Variants in EVL observed in about 807,000 individuals in gnomAD.
EVL encodes the protein Enah/Vasp-like.
EVL carries 21 observed loss-of-function variants against 59.6 expected under a neutral mutation model. The observed-to-expected ratio is 0.35, with a 90% CI of 0.25 to 0.51. EVL has a LOEUF of 0.51. Among genes scored for constraint, EVL ranks in the 20% least tolerant of loss-of-function variants. EVL has a pLI of 0.97. For missense variants in EVL, 462 were observed against 546.6 expected, an observed-to-expected ratio of 0.85 and a Z score of 1.54; for synonymous variants, 198 against 203.5, an observed-to-expected ratio of 0.97 and a Z score of 0.23.
At chr14:100,020,463 G>C (rs189197119) in intron 1 of EVL, among the ~76,000 whole-genome samples, 2,507 of 144,476 alleles carry the variant, frequency 0.017, 73 homozygotes, top group African/African-American at 0.058. Context: ...ATGGAAGAGA[G>C]TGTGTGTGTG....
At chr14:100,065,289 T>C, upstream of EVL, 1 of 334,556 alleles carries the variant, frequency 3.0e-6, no homozygotes, top group Non-Finnish European at 5.1e-6. Flanking sequence ...TGTTAGCTTC[T>C]TGTTTCTCTA....
chr14:100,090,881 A>C (rs2062549174), intron 2 of EVL, among the ~76,000 whole-genome samples: 1 of 152,158 alleles, frequency 6.6e-6, no homozygotes, highest in Non-Finnish European at 1.5e-5. Context: ...GTTCACTCTC[A>C]CCTCTTTGAT....
rs149236741 is a variant in EVL, at chr14:100,043,772, C to T, written c.6-40915C>T. 1.1e-4 allele frequency among the ~76,000 whole-genome samples: 17 copies of T among 152,030 alleles called. No individual in the cohort carries two copies. In the East Asian group the frequency reaches 3.3e-3, roughly 29 times the overall value. On this transcript the variant is annotated intron_variant, in intron 1 of 13. Transcript: ENST00000402714. ...GGACTACAGATGCATGCCACCATGC[C>T]TGGCTAATTTTTAAATTTTTTTGTA...
At chr14:99,989,757 TACCTGACATAGC>T (rs1276432077) in intron 1 of EVL, among the ~76,000 whole-genome samples, 1 of 152,262 alleles carries the variant, frequency 6.6e-6, no homozygotes, top group African/African-American at 2.4e-5. Context: ...GCTGGTCTAA[TACCTGACATAGC>T]TTACTGTGGC....
intron 1 of EVL, among the ~76,000 whole-genome samples, chr14:99,998,883 A>G (rs577345330): frequency 1.3e-5 from 2 of 152,288 alleles, no homozygotes; most frequent in South Asian, 2.1e-4. Flanking sequence ...AAATTGTCCA[A>G]GGTCCAGTAA....
chr14:100,135,647 G>A, intron 8 of EVL: 1 of 426,494 alleles, frequency 2.3e-6, no homozygotes, highest in Non-Finnish European at 4.3e-6. Context: ...AGGGCCAGAA[G>A]GAAGTTCTAT....
chr14:100,029,880 A>T (rs2061282850), intron 1 of EVL, among the ~76,000 whole-genome samples: 1 of 152,130 alleles, frequency 6.6e-6, no homozygotes, highest in Admixed American at 6.5e-5. Context: ...TCTGCCCTGA[A>T]GTTGGCTACT....
At chr14:100,041,387 A>G (rs370743108) in intron 1 of EVL, among the ~76,000 whole-genome samples, 8 of 152,298 alleles carry the variant, frequency 5.3e-5, no homozygotes, top group South Asian at 4.1e-4. Flanking sequence ...AAATGATACA[A>G]TGTATCAGAA....
chr14:100,025,093 T>G (rs926821991), intron 1 of EVL, among the ~76,000 whole-genome samples: 3 of 152,128 alleles, frequency 2.0e-5, no homozygotes, highest in Non-Finnish European at 4.4e-5. Context: ...TCTGCCCTGT[T>G]CTCTAGTCTC....
chr14:100,113,724 T>C (rs1292199260), intron 3 of EVL, among the ~76,000 whole-genome samples: 1 of 152,080 alleles, frequency 6.6e-6, no homozygotes, highest in Non-Finnish European at 1.5e-5. Flanking sequence ...TGAACTGGAT[T>C]CCAGGGAAGG....
intron 9 of EVL, chr14:100,137,311 G>A (rs1461637089): frequency 1.9e-6 from 1 of 531,154 alleles, no homozygotes; most frequent in East Asian, 3.2e-5. Flanking sequence ...TAGTCACTGG[G>A]TCCCTTACCA....
intron 1 of EVL, among the ~76,000 whole-genome samples, chr14:100,021,153 A>G (rs1054710411): frequency 6.6e-6 from 1 of 152,228 alleles, no homozygotes; most frequent in African/African-American, 2.4e-5. Context: ...CTCTAGATGA[A>G]GTACCCCTGT....
intron 1 of EVL, among the ~76,000 whole-genome samples, chr14:100,060,303 C>T (rs926371394): frequency 4.0e-5 from 6 of 151,826 alleles, no homozygotes; most frequent in Admixed American, 6.6e-5. Flanking sequence ...TGGTGGCGGG[C>T]GCCTGTAGTC....
chr14:100,086,886 A>T (rs1454842906), intron 2 of EVL, among the ~76,000 whole-genome samples: 1 of 152,234 alleles, frequency 6.6e-6, no homozygotes, highest in Non-Finnish European at 1.5e-5. Context: ...GGAATAGAAA[A>T]GAGATTCTTG....
At chr14:100,019,908 C>T (rs1416743318) in intron 1 of EVL, among the ~76,000 whole-genome samples, 1 of 152,130 alleles carries the variant, frequency 6.6e-6, no homozygotes, top group East Asian at 1.9e-4. Context: ...GATAATTGGT[C>T]TGATCATGGG....
chr14:99,990,634 A>G (rs1426260087), intron 1 of EVL, among the ~76,000 whole-genome samples: 1 of 152,138 alleles, frequency 6.6e-6, no homozygotes, highest in East Asian at 1.9e-4. Context: ...ACTTAGCATA[A>G]TGTCCTTGAG....
intron 1 of EVL, among the ~76,000 whole-genome samples, chr14:99,987,195 T>C (rs1166667308): frequency 2.6e-5 from 4 of 152,218 alleles, no homozygotes; most frequent in Non-Finnish European, 5.9e-5. Context: ...AGAACTCTTA[T>C]ATTTTGCTAT....
At chr14:100,020,040 C>T (rs925725214) in intron 1 of EVL, among the ~76,000 whole-genome samples, 1 of 152,156 alleles carries the variant, frequency 6.6e-6, no homozygotes, top group Non-Finnish European at 1.5e-5. Context: ...TGTTTTTCTT[C>T]CTTTGTCAAC....
rs200398938 is a variant in EVL, at chr14:100,084,797, A to G, written c.122A>G (p.Tyr41Cys). Residue 41 changes from tyrosine to cysteine, a missense_variant, in exon 2 of 14, where the codon TAC (tyrosine) becomes TGC (cysteine). Coordinates refer to ENST00000392920, the MANE Select transcript of EVL (RefSeq NM_016337.3). ...GQQGFSRINI[Y>C]HNTASNTFRV... is the part of the protein sequence containing the mutation. ...CAGGGATTCAGCCGGATCAACATCT[A>G]CCACAACACTGCCAGCAACACCTTC... 6.2e-7 allele frequency: 1 copy of G among 1,614,168 alleles called. No homozygotes were observed. The highest frequency in any genetic ancestry group is 1.7e-5 in the Admixed American group (1 of 60,024).
Sources: gnomAD v4.1 joint callset for allele counts (sites outside exome capture counted in the v4.1 genomes callset) on GRCh38, gnomAD v4.1.1 for gene constraint, MANE v1.5 for transcripts, NCBI Gene and HGNC (gene_info 2026-07-23, HGNC 2026-07-21) for gene names.